Variants in EPHA10 observed in about 807,000 individuals in gnomAD.
EPHA10 encodes EPH receptor A10.
Under a neutral mutation model 109.7 loss-of-function variants are expected in EPHA10, and 120 were observed. That is an observed-to-expected ratio of 1.09 (90% CI 0.94 to 1.27). EPHA10 has a LOEUF of 1.27. EPHA10 is among the 50% of genes most tolerant of loss of function. The pLI, the probability that EPHA10 is intolerant of heterozygous loss-of-function variation, is 0.00. For missense variants in EPHA10, 1,396 were observed against 1,411.1 expected (o/e 0.99, Z 0.17); for synonymous variants, 640 against 618.9 (o/e 1.03, Z -0.51).
At chr1:37,744,929 AAAG>A (rs1219529419) in intron 5 of EPHA10, among the ~76,000 whole-genome samples, 1 of 152,226 alleles carries the variant, frequency 6.6e-6, no homozygotes, top group Non-Finnish European at 1.5e-5. Flanking sequence ...ATCTTCATGA[AAAG>A]AAGAATTTGA....
intron 3 of EPHA10, among the ~76,000 whole-genome samples, chr1:37,758,359 G>A (rs138664353): frequency 6.6e-6 from 1 of 151,922 alleles, no homozygotes; most frequent in African/African-American, 2.4e-5. Context: ...TGTCCTCCTC[G>A]AGATACCTCC....
chr1:37,752,742 C>T, intron 5 of EPHA10, 134 bp downstream of exon 5: 2 of 436,142 alleles, frequency 4.6e-6, no homozygotes, highest in Non-Finnish European at 6.2e-6. Context: ...CGGAGAGGGG[C>T]GGGGTGCGTG....
intron 16 of EPHA10, 61 bp from the exon 17 acceptor site, chr1:37,718,547 G>T: frequency 6.2e-7 from 1 of 1,610,846 alleles, no homozygotes; most frequent in East Asian, 2.2e-5. Context: ...CTCCCATGAA[G>T]GCCCTCCACT....
chr1:37,750,809 G>T (rs1646310051), intron 5 of EPHA10, among the ~76,000 whole-genome samples: 1 of 151,830 alleles, frequency 6.6e-6, no homozygotes, highest in African/African-American at 2.4e-5. Flanking sequence ...GGCTCCCAAA[G>T]TGCTCAGACT....
chr1:37,723,164 T>C lies in EPHA10; in HGVS notation c.1837A>G (p.Lys613Glu). 2 of 1,612,874 alleles carry C rather than the reference T, an allele frequency of 1.2e-6. No homozygotes were observed. The highest frequency in any genetic ancestry group is 1.7e-6 in the Non-Finnish European group (2 of 1,179,324). ...HDEEELYFHF[K>E]VPTRRTFLDP... ...AGGAATGTGCGACGTGTTGGGACTT[T>C]GACTGGGAGAGAAAGAGATGAGCCT... Residue 613 changes from lysine to glutamate, a missense_variant and splice_region_variant, in exon 10 of 17, where the codon AAA (lysine) becomes GAA (glutamate). Transcript: ENST00000373048.
At chr1:37,752,804 CGGGGCGGCCCCAAGAGGGCGCA>C in intron 5 of EPHA10, 50 bp downstream of exon 5, 1 of 1,101,024 alleles carries the variant, frequency 9.1e-7, no homozygotes, top group Non-Finnish European at 1.1e-6. Context: ...GCAGGACCGA[CGGGGCGGCCCCAAGAGGGCGCA>C]GGGGCGGCAG....
chr1:37,735,617 T>C (rs1011889920), intron 5 of EPHA10, among the ~76,000 whole-genome samples: 3 of 152,060 alleles, frequency 2.0e-5, no homozygotes, highest in African/African-American at 7.2e-5. Flanking sequence ...ACAGCCCTTT[T>C]CTTCATTGTC....
In EPHA10 at chr1:37,761,691, G is replaced by T; in HGVS notation, c.564C>A (p.Phe188Leu). The T allele has an allele frequency of 6.2e-7, 1 of 1,612,628 alleles. No individual in the cohort carries two copies. Among genetic ancestry groups the T allele is most frequent in the Non-Finnish European group, 8.5e-7 (1 of 1,179,894 alleles). ...CGCCCACGTCCTGAAAGGCCAGGTG[G>T]AAACCCCGCCGGCTGAGCGGTCCGA... Reference protein sequence around the residue: ...REIGPLSRRGFHLAFQDVGAC... With the variant: ...REIGPLSRRGLHLAFQDVGAC... The change falls in exon 3 of 17, where the codon TTC (phenylalanine) becomes TTA (leucine). Residue 188 changes from phenylalanine to leucine, a missense_variant. Transcript: ENST00000373048.
Position 37,718,822 on chromosome 1 carries a change from G to A in EPHA10, c.2757-6C>T, listed in dbSNP as rs1187253698. 6.2e-7 allele frequency: 1 copy of A among 1,606,046 alleles called. No individual in the cohort carries two copies. Among genetic ancestry groups the A allele is most frequent in the Non-Finnish European group, 8.5e-7 (1 of 1,176,434 alleles). On this transcript the variant is annotated splice_region_variant and splice_polypyrimidine_tract_variant and intron_variant, in intron 15 of 16. Coordinates refer to ENST00000373048, the MANE Select transcript of EPHA10 (RefSeq NM_001099439.2). ...CCGCTAGTGGGGTGGGAGGCCTGCG[G>A]GTCAGAGGAGCTGTGCTCAACCGAC...
intron 5 of EPHA10, among the ~76,000 whole-genome samples, chr1:37,751,039 AC>A (rs1318281178): frequency 6.6e-6 from 1 of 151,148 alleles, no homozygotes; most frequent in African/African-American, 2.4e-5. Context: ...CCCTGTCTCT[AC>A]TAAAAATACA....
At chr1:37,727,358 G>A in intron 7 of EPHA10, 148 bp from the exon 8 acceptor site, 1 of 588,168 alleles carries the variant, frequency 1.7e-6, no homozygotes, top group Non-Finnish European at 2.8e-6. Context: ...CGCCAAGGCA[G>A]TCCCACTGAC....
chr1:37,761,682 G>T lies in EPHA10; in HGVS notation c.573C>A (p.Ala191=). Reference sequence around the variant, plus strand: ...CCACGCATGCGCCCACGTCCTGAAAGGCCAGGTGGAAACCCCGCCGGCTGA... The same window carrying T: ...CCACGCATGCGCCCACGTCCTGAAATGCCAGGTGGAAACCCCGCCGGCTGA... The part of the protein sequence containing the change: ...GPLSRRGFHL[A]FQDVGACVAL... Residue 191 remains alanine (A), a synonymous_variant, in exon 3 of 17, where the codon GCC becomes GCA. Coordinates refer to ENST00000373048, the MANE Select transcript of EPHA10 (RefSeq NM_001099439.2). 6.2e-7 allele frequency: 1 copy of T among 1,612,016 alleles called. No homozygotes were observed.
At chr1:37,726,023 C>A (rs1439083878) in intron 8 of EPHA10, among the ~76,000 whole-genome samples, 1 of 152,226 alleles carries the variant, frequency 6.6e-6, no homozygotes, top group East Asian at 1.9e-4. Flanking sequence ...TGGAATCCCG[C>A]GCTGGCTTGC....
intron 6 of EPHA10, among the ~76,000 whole-genome samples, chr1:37,732,398 G>A (rs1001799375): frequency 8.6e-5 from 13 of 151,926 alleles, no homozygotes; most frequent in Middle Eastern, 3.2e-3. Context: ...CCGTCGTTTC[G>A]TCCCTGCCCA....
chr1:37,721,683 C>A lies in EPHA10; in HGVS notation c.2123G>T (p.Arg708Leu). 1 of 1,609,018 alleles carries A rather than the reference C, an allele frequency of 6.2e-7. No homozygotes were observed. Among genetic ancestry groups the A allele is most frequent in the Non-Finnish European group, 8.5e-7 (1 of 1,178,014 alleles). Residue 708 changes from arginine to leucine, a missense_variant, in exon 11 of 17, where the codon CGG (arginine) becomes CTG (leucine). By Grantham distance (102) the Arg-to-Leu change is moderately radical (BLOSUM62 -2). Transcript: ENST00000373048. ...LGQFDHSHIV[R>L]LEGVVTRGST... ...ACCTCGGGTAACAACGCCCTCCAGC[C>A]GCACGATGTGGCTATGGTCAAACTG...
intron 5 of EPHA10, among the ~76,000 whole-genome samples, chr1:37,748,918 CTTTTT>C (rs55656984): frequency 1.0e-5 from 1 of 95,300 alleles, no homozygotes; most frequent in South Asian, 4.0e-4. Flanking sequence ...TTCTTTTCAT[CTTTTT>C]TTTTTTTTTT....
intron 16 of EPHA10, 47 bp downstream of exon 16, chr1:37,718,614 T>C (rs1645731474): frequency 6.2e-7 from 1 of 1,612,760 alleles, no homozygotes; most frequent in African/African-American, 1.3e-5. Flanking sequence ...GGGCAGGGCC[T>C]GTGGAATCCC....
rs1183497010 is a variant in EPHA10 at position 37,762,789 on chromosome 1, T to C, written c.167A>G (p.Asn56Ser). The C allele has an allele frequency of 1.2e-5, 18 of 1,552,768 alleles. No homozygotes were observed. Among genetic ancestry groups the C allele is most frequent in the Non-Finnish European group, 1.6e-5 (18 of 1,147,374 alleles). ...AELGWTALPS[N>S]GWEEISGVDE... is the part of the protein sequence containing the mutation. The stretch of plus-strand genomic sequence containing the variant: ...GAGGGACACTTGTGCACTTACCCCA[T>C]TACTTGGCAGTGCAGTCCAGCCCAG... Residue 56 changes from asparagine to serine, a missense_variant, in exon 2 of 17, where the codon AAT becomes AGT. By Grantham distance (46) the Asn-to-Ser change is conservative. Coordinates refer to ENST00000373048, the MANE Select transcript of EPHA10 (RefSeq NM_001099439.2).
intron 4 of EPHA10, among the ~76,000 whole-genome samples, chr1:37,753,622 C>T (rs1426119992): frequency 6.9e-6 from 1 of 144,014 alleles, no homozygotes; most frequent in African/African-American, 2.6e-5. Context: ...AGTGAGGGGT[C>T]GAGGGCGGAT....
Sources: gnomAD v4.1 joint callset for allele counts (sites outside exome capture counted in the v4.1 genomes callset) on GRCh38, gnomAD v4.1.1 for gene constraint, MANE v1.5 for transcripts, NCBI Gene and HGNC (gene_info 2026-07-23, HGNC 2026-07-21) for gene names.